The following GSE1 variants were observed in gnomAD, a reference collection of about 807,000 sequenced individuals.
GSE1 encodes the protein Gse1 coiled-coil protein.
Under a neutral mutation model 112.6 loss-of-function variants are expected in GSE1, and 32 were observed. The ratio of observed to expected loss-of-function variants is 0.28; its 90% CI spans 0.21 to 0.38. The LOEUF is 0.38. GSE1 is among the 10% of genes least tolerant of loss of function. The pLI is 1.00. For synonymous variants in GSE1, 1,115 were observed against 735.6 expected, an observed-to-expected ratio of 1.52 and a Z score of -8.35; for missense variants, 2,348 against 1,699.2, an observed-to-expected ratio of 1.38 and a Z score of -6.71.
intron 1 of GSE1, among the ~76,000 whole-genome samples, chr16:85,567,336 G>A (rs868700460): frequency 6.6e-5 from 10 of 152,204 alleles, no homozygotes; most frequent in Admixed American, 2.6e-4. Flanking sequence ...TTCAGAAAGG[G>A]TGTGGTGGGG....
chr16:85,258,225 C>G (rs964856757), intron 1 of GSE1, among the ~76,000 whole-genome samples: 1 of 152,218 alleles, frequency 6.6e-6, no homozygotes, highest in African/African-American at 2.4e-5. Flanking sequence ...TCCCCCAAAA[C>G]TGTAAACATG....
At chr16:85,333,970 C>T (rs1438492090) in intron 1 of GSE1, among the ~76,000 whole-genome samples, 3 of 152,234 alleles carry the variant, frequency 2.0e-5, no homozygotes, top group Non-Finnish European at 2.9e-5. Flanking sequence ...CTGCTAGATA[C>T]TACTGTGACA....
At chr16:85,309,063 C>T (rs2045757979) in intron 1 of GSE1, among the ~76,000 whole-genome samples, 1 of 151,556 alleles carries the variant, frequency 6.6e-6, no homozygotes, top group Non-Finnish European at 1.5e-5. Context: ...TGAGTCTCTG[C>T]ATTTCTGACA....
chr16:85,622,448 G>A (rs1374936423), intron 1 of GSE1, among the ~76,000 whole-genome samples: 2 of 152,160 alleles, frequency 1.3e-5, no homozygotes, highest in Non-Finnish European at 2.9e-5. Context: ...CTCGTGGGTT[G>A]CCACTTAGGG....
At chr16:85,464,477 G>A (rs561878149) in intron 2 of GSE1, among the ~76,000 whole-genome samples, 7 of 152,332 alleles carry the variant, frequency 4.6e-5, no homozygotes, top group South Asian at 4.1e-4. Context: ...CCCTTCCTCC[G>A]GGTGCCCGGC....
At chr16:85,656,131 G>A (rs986107971) in intron 6 of GSE1, among the ~76,000 whole-genome samples, 17 of 152,164 alleles carry the variant, frequency 1.1e-4, no homozygotes, top group African/African-American at 4.1e-4. Flanking sequence ...CCTGCAGGCC[G>A]AGGAGCTCTC....
Position 85,488,829 on chromosome 16 carries a change from G to A in GSE1, c.2464+131186G>A, listed in dbSNP as rs144304010. On this transcript the variant is annotated intron_variant, in intron 2 of 2. Coordinates refer to the GSE1 transcript ENST00000637419. ...CGTCTGGGGACCGGGGGGATCAGAG[G>A]TGGGTGATTTCCTGGACAGTGTGGC... 2.1e-4 allele frequency among the ~76,000 whole-genome samples: 32 copies of A among 152,252 alleles called. No individual in the cohort carries two copies. The East Asian group carries it at 5.8e-3, about 28-fold the overall frequency.
intron 1 of GSE1, among the ~76,000 whole-genome samples, chr16:85,567,219 G>T (rs749884322): frequency 6.6e-6 from 1 of 152,172 alleles, no homozygotes; most frequent in South Asian, 2.1e-4. Context: ...GGCGGCTGGT[G>T]GGTGGGTCTG....
chr16:85,381,947 G>C (rs772143623), intron 2 of GSE1, among the ~76,000 whole-genome samples: 13 of 152,212 alleles, frequency 8.5e-5, no homozygotes, highest in Non-Finnish European at 1.6e-4. Context: ...TGCTCACAGA[G>C]TGCCTGAGGA....
intron 2 of GSE1, among the ~76,000 whole-genome samples, chr16:85,396,362 C>T (rs750904561): frequency 7.9e-5 from 12 of 152,370 alleles, no homozygotes; most frequent in African/African-American, 1.7e-4. Context: ...CAGACAGGCC[C>T]TGTCTTGAAC....
At chr16:85,620,609 G>A (rs1035405232) in intron 1 of GSE1, among the ~76,000 whole-genome samples, 5 of 152,268 alleles carry the variant, frequency 3.3e-5, no homozygotes, top group African/African-American at 1.2e-4. Context: ...GGAGGGTGCG[G>A]TTAGTCACCC....
chr16:85,640,597 GTGTGCGGGGACCACGGAGCA>G (rs1567699975), intron 2 of GSE1, among the ~76,000 whole-genome samples: 4 of 152,218 alleles, frequency 2.6e-5, no homozygotes, highest in African/African-American at 9.6e-5. Context: ...TGGGGACTAC[GTGTGCGGGGACCACGGAGCA>G]GGGACCACAG....
At chr16:85,521,508 C>T (rs543248374) in intron 2 of GSE1, among the ~76,000 whole-genome samples, 1 of 152,228 alleles carries the variant, frequency 6.6e-6, no homozygotes, top group Non-Finnish European at 1.5e-5. Context: ...GGTTTCAGGC[C>T]CAGCTTTACC....
chr16:85,343,145 C>G (rs2046660055), intron 1 of GSE1, among the ~76,000 whole-genome samples: 1 of 152,094 alleles, frequency 6.6e-6, no homozygotes, highest in Non-Finnish European at 1.5e-5. Flanking sequence ...CGTGGCGCGT[C>G]CACACTACGG....
chr16:85,186,179 A>G (rs2074697379), intron 1 of GSE1, among the ~76,000 whole-genome samples: 1 of 152,214 alleles, frequency 6.6e-6, no homozygotes. Context: ...ATACATTAAC[A>G]TGTAAAACAG....
intron 1 of GSE1, among the ~76,000 whole-genome samples, chr16:85,208,561 G>A (rs1486173296): frequency 1.3e-5 from 2 of 152,088 alleles, no homozygotes; most frequent in African/African-American, 2.4e-5. Context: ...GGAAACTTTG[G>A]TACCTCTAGA....
At position 85,635,777 on chromosome 16, in the gene GSE1, G is replaced by A. The variant is rs747618669; in HGVS notation, c.226+1645G>A. On this transcript the variant is annotated intron_variant, in intron 2 of 15. Coordinates refer to ENST00000253458, the MANE Select transcript of GSE1 (RefSeq NM_014615.5). The stretch of plus-strand genomic sequence containing the variant: ...CATCCTGCTTTCATCCAGCAGCTGT[G>A]TCTGCTTTGGGGCCTCTGGGCTCCA... Among the ~76,000 whole-genome samples the A allele has an allele frequency of 8.5e-4, 130 of 152,342 alleles. 2 individuals carry two copies. The highest frequency in any genetic ancestry group is 2.4e-4 in the Non-Finnish European group (16 of 68,016).
At chr16:85,620,104 C>G (rs188464265) in intron 1 of GSE1, among the ~76,000 whole-genome samples, 101 of 152,188 alleles carry the variant, frequency 6.6e-4, no homozygotes, top group African/African-American at 2.4e-3. Context: ...AAGACCTCCT[C>G]TCTACAAAAA....
rs143362929 is a variant in GSE1 at position 85,657,747 on chromosome 16, T to C, written c.1640+143T>C. 4.1e-4 allele frequency: 250 copies of C among 604,578 alleles called. 2 individuals are homozygous for C. The African/African-American group carries it at 4.3e-3, about 10-fold the overall frequency. 37.5% of individuals were successfully genotyped at this position (604,578 alleles called of 1,614,324 possible). On this transcript the variant is annotated intron_variant, in intron 8 of 15. Coordinates refer to ENST00000253458, the MANE Select transcript of GSE1 (RefSeq NM_014615.5). The stretch of plus-strand genomic sequence containing the variant: ...CATTTCTGTTCTTTCATCTTCACGT[T>C]ATAATGCCTGTCTTGCCTATGGGGA...
Sources: allele counts gnomAD v4.1 joint callset (sites outside exome capture counted in the v4.1 genomes callset), GRCh38; gene constraint gnomAD v4.1.1; transcripts MANE v1.5; gene names NCBI Gene and HGNC (gene_info 2026-07-23, HGNC 2026-07-21).